MRAP2: variants seen among roughly 807,000 people sequenced by gnomAD.
MRAP2 encodes melanocortin-2 receptor accessory protein 2.
In MRAP2, 20 loss-of-function variants were observed where a neutral mutation model predicts 17.4. The observed-to-expected ratio is 1.15, with a 90% CI of 0.81 to 1.67. The LOEUF (loss-of-function observed/expected upper bound fraction) is 1.67, where lower values mean the gene tolerates loss of function less well. Among genes scored for constraint, MRAP2 ranks in the 40% most tolerant of loss-of-function variants. The pLI, the probability that MRAP2 is intolerant of heterozygous loss-of-function variation, is 0.00. For missense variants in MRAP2, 238 were observed against 240.0 expected, an observed-to-expected ratio of 0.99 and a Z score of 0.05; for synonymous variants, 96 against 88.4, an observed-to-expected ratio of 1.09 and a Z score of -0.48.
intron 3 of MRAP2, among the ~76,000 whole-genome samples, chr6:84,086,756 G>A (rs6928551): frequency 9.2e-5 from 14 of 152,082 alleles, no homozygotes; most frequent in Admixed American, 2.0e-4. Flanking sequence ...CCTCAGAGGG[G>A]CTTTAATGTC....
At chr6:84,046,218 T>A (rs991882768) in intron 1 of MRAP2, among the ~76,000 whole-genome samples, 1 of 152,220 alleles carries the variant, frequency 6.6e-6, no homozygotes, top group Non-Finnish European at 1.5e-5. Context: ...GTTGTTTTTT[T>A]AAAATTTTCT....
chr6:84,112,123 G>T, the MRAP2 span, among the ~76,000 whole-genome samples: 4 of 152,212 alleles, frequency 2.6e-5, no homozygotes, highest in African/African-American at 9.6e-5. Flanking sequence ...CTCCTCAAAT[G>T]AGTTAGGGAG....
rs1724231653 is a variant in MRAP2, at chr6:84,089,683, T to G, written c.*202T>G. 9 of 591,946 alleles carry G rather than the reference T, an allele frequency of 1.5e-5. No individual in the cohort carries two copies. The highest frequency in any genetic ancestry group is 2.5e-5 in the Non-Finnish European group (9 of 356,032). The allele number at this position is 591,946 out of a possible 1,614,324, so 36.7% of individuals were successfully genotyped here. A position where few individuals can be genotyped will look rare whatever the true frequency, so the allele number is the denominator to read the frequency against. Reference sequence around the variant, plus strand: ...TTTTGTTTTGTTTTGTTTTTGCTTTTTAATACATTTGGAGCTTTGGGAGTA... The same window carrying G: ...TTTTGTTTTGTTTTGTTTTTGCTTTGTAATACATTTGGAGCTTTGGGAGTA... On this transcript the variant is annotated 3_prime_UTR_variant, in exon 4 of 4. Coordinates refer to ENST00000257776, the MANE Select transcript of MRAP2 (RefSeq NM_138409.4).
At chr6:84,131,398 C>T in the MRAP2 span, among the ~76,000 whole-genome samples, 1 of 152,106 alleles carries the variant, frequency 6.6e-6, no homozygotes, top group Non-Finnish European at 1.5e-5. Context: ...TCCTGAATAT[C>T]CTTGTTAACT....
intron 1 of MRAP2, among the ~76,000 whole-genome samples, chr6:84,049,668 GT>G (rs1300500679): frequency 2.0e-5 from 3 of 152,106 alleles, no homozygotes; most frequent in Admixed American, 6.5e-5. Flanking sequence ...TCCCATTTCT[GT>G]TTTTGGAAGT....
intron 1 of MRAP2, 80 bp downstream of exon 1, chr6:84,033,963 G>A (rs2099485255): frequency 1.0e-6 from 1 of 972,000 alleles, no homozygotes; most frequent in Non-Finnish European, 1.2e-6. Context: ...CTTTGGTCAA[G>A]GCAGGGCTTG....
In MRAP2 at chr6:84,040,214, A is replaced by G. The variant is rs1238323364; in HGVS notation, c.-8+6331A>G. The stretch of plus-strand genomic sequence containing the variant: ...ACTCTGACTTCTCCTTGCTGCCGCT[A>G]TGTAAAGAAGGATGTGTTTGCTTCC... On this transcript the variant is annotated intron_variant, in intron 1 of 3. Coordinates refer to ENST00000257776, the MANE Select transcript of MRAP2 (RefSeq NM_138409.4). Among the ~76,000 whole-genome samples, 8 of 152,186 alleles carry G rather than the reference A, an allele frequency of 5.3e-5. No individual in the cohort carries two copies. In the South Asian group the frequency reaches 8.3e-4, roughly 16 times the overall value.
chr6:84,036,722 A>T lies in MRAP2; in HGVS notation c.-8+2839A>T, dbSNP rs111905742. On this transcript the variant is annotated intron_variant, in intron 1 of 3. Transcript: ENST00000257776. ...TAGCCTGCTTTTATTCCTTTATCTG[A>T]CCCCACCCACATCCTGCTGATTGGT... 3.0e-3 allele frequency among the ~76,000 whole-genome samples: 448 copies of T among 151,848 alleles called. 1 individual carries two copies. Among genetic ancestry groups the T allele is most frequent in the African/African-American group, 0.01 (428 of 41,390 alleles).
chr6:84,089,091 C>T lies in MRAP2; in HGVS notation c.228C>T (p.Asp76=), dbSNP rs1460698182. 3 of 1,602,904 alleles carry T rather than the reference C, an allele frequency of 1.9e-6. No homozygotes were observed. In the African/African-American group the frequency reaches 4.1e-5, roughly 22 times the overall value. Residue 76 remains aspartate (D), a splice_region_variant and synonymous_variant, in exon 4 of 4, where the codon GAC becomes GAT. Transcript: ENST00000257776. ...LLTKTGAPHQ[D]NAESSEKRFR... ...TCTTTTATTTTCTTTTTTTAAATAG[C>T]AATGCAGAGTCCTCAGAGAAGAGAT...
intron 1 of MRAP2, 74 bp from the exon 2 acceptor site, chr6:84,055,238 A>G (rs1352460964): frequency 2.0e-6 from 3 of 1,526,856 alleles, no homozygotes. Flanking sequence ...GAATGCGATC[A>G]AGAGTAATTA....
At chr6:84,121,550 A>G in the MRAP2 span, among the ~76,000 whole-genome samples, 1,005 of 152,284 alleles carry the variant, frequency 6.6e-3, 7 homozygotes, top group African/African-American at 0.023. Flanking sequence ...AGGCTGAGAC[A>G]GGAGAATCGC....
intron 3 of MRAP2, among the ~76,000 whole-genome samples, chr6:84,080,842 T>TG (rs964269154): frequency 2.2e-4 from 34 of 152,328 alleles, no homozygotes; most frequent in African/African-American, 6.5e-4. Context: ...GGCAACCAAT[T>TG]AATAAATCAA....
the MRAP2 span, among the ~76,000 whole-genome samples, chr6:84,116,847 G>A: frequency 1.3e-5 from 2 of 152,208 alleles, no homozygotes; most frequent in South Asian, 2.1e-4. Context: ...CTACTTGATC[G>A]TGGTGGATAA....
intron 3 of MRAP2, among the ~76,000 whole-genome samples, chr6:84,071,913 A>G (rs185652453): frequency 1.1e-4 from 16 of 152,202 alleles, no homozygotes; most frequent in East Asian, 9.7e-4. Context: ...AGTGTGTCCA[A>G]TGTTTCCTGA....
chr6:84,038,417 T>C (rs1294103765), intron 1 of MRAP2, among the ~76,000 whole-genome samples: 1 of 152,218 alleles, frequency 6.6e-6, no homozygotes, highest in Non-Finnish European at 1.5e-5. Flanking sequence ...ATTTGTGTTA[T>C]AATGGGTCAG....
chr6:84,078,653 T>C (rs773077397), intron 3 of MRAP2, among the ~76,000 whole-genome samples: 8 of 152,194 alleles, frequency 5.3e-5, no homozygotes, highest in African/African-American at 9.6e-5. Context: ...CTCACAGTAG[T>C]GAGTTCTTGC....
chr6:84,118,798 AG>A, the MRAP2 span, among the ~76,000 whole-genome samples: 2 of 152,170 alleles, frequency 1.3e-5, no homozygotes, highest in Non-Finnish European at 2.9e-5. Flanking sequence ...CCCTCTTCCT[AG>A]GGCTGGATTT....
chr6:84,122,879 A>T, the MRAP2 span, among the ~76,000 whole-genome samples: 2 of 152,142 alleles, frequency 1.3e-5, no homozygotes, highest in Non-Finnish European at 2.9e-5. Flanking sequence ...AGTTCAGTAA[A>T]GTTTCAGGAT....
intron 3 of MRAP2, among the ~76,000 whole-genome samples, chr6:84,079,931 T>G (rs549487586): frequency 6.6e-6 from 1 of 152,324 alleles, no homozygotes; most frequent in South Asian, 2.1e-4. Flanking sequence ...AGATTATGGC[T>G]TTTGCAGAGT....
Sources: gnomAD v4.1 joint callset for allele counts (sites outside exome capture counted in the v4.1 genomes callset) on GRCh38, gnomAD v4.1.1 for gene constraint, MANE v1.5 for transcripts, NCBI Gene and HGNC (gene_info 2026-07-23, HGNC 2026-07-21) for gene names.